RRM1: variants seen among roughly 807,000 people sequenced by gnomAD.
RRM1 encodes the protein ribonucleotide reductase catalytic subunit M1, also known as ribonucleoside-diphosphate reductase large subunit.
RRM1 carries 19 observed loss-of-function variants against 101.5 expected under a neutral mutation model. That is an observed-to-expected ratio of 0.19 (90% CI 0.13 to 0.27). The LOEUF is 0.27. Among genes scored for constraint, RRM1 ranks in the 10% least tolerant of loss-of-function variants. The pLI, the probability that RRM1 is intolerant of heterozygous loss-of-function variation, is 1.00. For synonymous variants in RRM1, 298 were observed against 323.4 expected (o/e 0.92, Z 0.84); for missense variants, 500 against 962.9 (o/e 0.52, Z 6.36).
At chr11:4,128,324 C>G (rs547901344) in intron 14 of RRM1, among the ~76,000 whole-genome samples, 1 of 152,252 alleles carries the variant, frequency 6.6e-6, no homozygotes, top group African/African-American at 2.4e-5. Flanking sequence ...GTTGGCCAGG[C>G]TGGTCTTGAA....
chr11:4,123,910 C>T (rs932745772), intron 12 of RRM1, among the ~76,000 whole-genome samples: 1 of 152,140 alleles, frequency 6.6e-6, no homozygotes, highest in Non-Finnish European at 1.5e-5. Context: ...AATCTCAAGT[C>T]TGTAAAGAGA....
At chr11:4,111,413 A>C (rs1205745941) in intron 5 of RRM1, among the ~76,000 whole-genome samples, 188 bp from the exon 6 acceptor site, 5 of 151,186 alleles carry the variant, frequency 3.3e-5, no homozygotes, top group Non-Finnish European at 5.9e-5. Context: ...TCTGTCTCAA[A>C]AAAAAAAAAA....
At position 4,123,239 on chromosome 11, in the gene RRM1, C is replaced by T; in HGVS notation, c.1175C>T (p.Ala392Val). The T allele has an allele frequency of 6.2e-7, 1 of 1,613,988 alleles. No homozygotes were observed. Among genetic ancestry groups the T allele is most frequent in the Non-Finnish European group, 8.5e-7 (1 of 1,179,978 alleles). ...KVVKAQQLWY[A>V]IIESQTETGT... ...GTAAAAGCTCAGCAGCTTTGGTATG[C>T]CATCATTGAGTCTCAGACGGAAACA... Residue 392 changes from alanine to valine, a missense_variant, in exon 12 of 19, where the codon GCC (alanine) becomes GTC (valine). Ala to Val is a moderately conservative substitution (Grantham distance 64). Around this residue, in one of 9 missense-constraint regions of RRM1, gnomAD observed 80 missense variants for 170.9 expected, o/e 0.47. Transcript: ENST00000300738.
At chr11:4,117,836 A>G (rs1222586326) in intron 7 of RRM1, among the ~76,000 whole-genome samples, 1 of 152,226 alleles carries the variant, frequency 6.6e-6, no homozygotes, top group Non-Finnish European at 1.5e-5. Context: ...ATGAGATCCA[A>G]AGTGAGGTAA....
intron 3 of RRM1, among the ~76,000 whole-genome samples, chr11:4,106,495 C>T (rs980686524): frequency 2.0e-5 from 3 of 152,154 alleles, no homozygotes; most frequent in Non-Finnish European, 4.4e-5. Flanking sequence ...CGCCTGTAAT[C>T]CCAGTGCTTT....
chr11:4,115,590 C>G (rs1048780610), intron 7 of RRM1, among the ~76,000 whole-genome samples: 1 of 151,370 alleles, frequency 6.6e-6, no homozygotes, highest in South Asian at 2.1e-4. Flanking sequence ...GAGTTTCGCT[C>G]TTGTCACTGA....
chr11:4,105,737 AT>A (rs1481667186), intron 2 of RRM1: 2 of 384,424 alleles, frequency 5.2e-6, no homozygotes, highest in African/African-American at 4.3e-5. Flanking sequence ...ATCTGTGGAG[AT>A]TGGGGGCGGG....
chr11:4,112,655 C>T (rs1294130310), intron 7 of RRM1, among the ~76,000 whole-genome samples: 3 of 152,204 alleles, frequency 2.0e-5, no homozygotes, highest in East Asian at 1.9e-4. Context: ...TGAGCCACCA[C>T]GCTTGGTGTG....
rs1554973339 is a variant in RRM1 at position 4,101,561 on chromosome 11, C to CA, written c.20-432_20-431insA. 1.5e-4 allele frequency among the ~76,000 whole-genome samples: 8 copies of CA among 51,744 alleles called. 2 individuals are homozygous for CA. Among genetic ancestry groups the CA allele is most frequent in the African/African-American group, 3.4e-4 (8 of 23,338 alleles). The allele number at this position is 51,744 out of a possible 152,430, so 33.9% of individuals were successfully genotyped here. Reference sequence around the variant, plus strand: ...ACTCCTGACCTCCAGTGATCCACACCCCCCCCCGCTCCCTTGGCCTCCCAA... The same window carrying CA: ...ACTCCTGACCTCCAGTGATCCACACCACCCCCCCGCTCCCTTGGCCTCCCAA... On this transcript the variant is annotated intron_variant, in intron 1 of 18. Coordinates refer to ENST00000300738, the MANE Select transcript of RRM1 (RefSeq NM_001033.5).
In RRM1 at chr11:4,121,639, G is replaced by A; in HGVS notation, c.912G>A (p.Trp304Ter). The A allele has an allele frequency of 6.2e-7, 1 of 1,613,824 alleles. No homozygotes were observed. The highest frequency in any genetic ancestry group is 8.5e-7 in the Non-Finnish European group (1 of 1,179,878). ...CATTTGCTATTTACCTGGAGCCTTG[G>A]CATTTAGACATCTTTGAATTCCTTG... ...PGAFAIYLEP[W>*]HLDIFEFLDL... Residue 304 changes from tryptophan (W) to a stop codon, truncating the protein, a stop_gained, in exon 10 of 19, where the codon TGG (tryptophan) becomes TGA (stop). Coordinates refer to ENST00000300738, the MANE Select transcript of RRM1 (RefSeq NM_001033.5). LOFTEE classifies it high-confidence loss of function.
intron 1 of RRM1, among the ~76,000 whole-genome samples, chr11:4,101,096 G>A (rs1186687790): frequency 6.6e-6 from 1 of 152,050 alleles, no homozygotes; most frequent in Non-Finnish European, 1.5e-5. Context: ...GAAGGGGAAG[G>A]GGGATAAGAA....
chr11:4,130,104 T>TTTTTTTTTTTC (rs1565189537), intron 15 of RRM1, among the ~76,000 whole-genome samples: 2 of 90,608 alleles, frequency 2.2e-5, no homozygotes, highest in African/African-American at 9.5e-5. Flanking sequence ...TTTTTTTTTT[T>TTTTTTTTTTTC]CCCCTCAAAA....
chr11:4,120,730 A>G (rs2094580469), intron 9 of RRM1, among the ~76,000 whole-genome samples: 1 of 152,184 alleles, frequency 6.6e-6, no homozygotes, highest in Non-Finnish European at 1.5e-5. Flanking sequence ...AATTGGCTGG[A>G]TGCAGTGGCT....
chr11:4,125,902 G>A (rs560238103), intron 12 of RRM1, among the ~76,000 whole-genome samples: 209 of 152,316 alleles, frequency 1.4e-3, no homozygotes, highest in Non-Finnish European at 2.5e-3. Context: ...GGCATCAAGA[G>A]TTCAACTGGG....
intron 18 of RRM1, among the ~76,000 whole-genome samples, chr11:4,137,490 C>G (rs75989912): frequency 0.91 from 64,223 of 70,712 alleles, 29,137 homozygotes; most frequent in Admixed American, 0.93. Context: ...CTGGCCGGGC[C>G]GGGGGCTGAA....
At chr11:4,122,065 T>C in intron 10 of RRM1, 76 bp from the exon 11 acceptor site, 1 of 1,141,866 alleles carries the variant, frequency 8.8e-7, no homozygotes, top group Non-Finnish European at 1.3e-6. Flanking sequence ...AGTCACCTTA[T>C]GCTTGCAGTG....
intron 12 of RRM1, among the ~76,000 whole-genome samples, chr11:4,124,827 GT>G (rs764390839): frequency 1.7e-5 from 2 of 120,204 alleles, no homozygotes; most frequent in African/African-American, 5.6e-5. Context: ...ACAATTCAGT[GT>G]TTTTTTTCTT....
intron 5 of RRM1, among the ~76,000 whole-genome samples, chr11:4,110,087 T>C (rs1055266571): frequency 9.2e-5 from 14 of 152,188 alleles, no homozygotes; most frequent in Admixed American, 9.2e-4. Flanking sequence ...TTATTTAATC[T>C]CTCTGTGCTT....
At position 4,111,893 on chromosome 11, in the gene RRM1, T is replaced by A. The variant is rs1464981839; in HGVS notation, c.488-7T>A. On this transcript the variant is annotated splice_region_variant and splice_polypyrimidine_tract_variant and intron_variant, in intron 6 of 18. Transcript: ENST00000300738. ...TCATCATGTGAAAACTCCTCTTTTG[T>A]CTATAGTGGCTGAAAGACCACAACA... 1 of 1,611,594 alleles carries A rather than the reference T, an allele frequency of 6.2e-7. No homozygotes were observed. The highest frequency in any genetic ancestry group is 8.5e-7 in the Non-Finnish European group (1 of 1,178,828).
Sources: allele counts gnomAD v4.1 joint callset (sites outside exome capture counted in the v4.1 genomes callset), GRCh38; gene constraint gnomAD v4.1.1; regional missense constraint gnomAD v4.1.1; transcripts MANE v1.5; gene names NCBI Gene and HGNC (gene_info 2026-07-23, HGNC 2026-07-21).